TFB2M: variants seen among roughly 807,000 people sequenced by gnomAD.
TFB2M encodes the protein dimethyladenosine transferase 2, mitochondrial.
TFB2M carries 44 observed loss-of-function variants against 41.3 expected under a neutral mutation model. The observed-to-expected ratio is 1.07, with a 90% confidence interval of 0.84 to 1.37. The LOEUF (loss-of-function observed/expected upper bound fraction) is 1.37. TFB2M is among the 40% of genes most tolerant of loss of function. The pLI is 0.00. For missense variants in TFB2M, 496 were observed against 490.2 expected (o/e 1.01, Z -0.11); for synonymous variants, 188 against 176.8 (o/e 1.06, Z -0.50).
chr1:246,542,174 C>T (rs1658875498), intron 7 of TFB2M, among the ~76,000 whole-genome samples: 1 of 151,796 alleles, frequency 6.6e-6, no homozygotes, highest in African/African-American at 2.4e-5. Context: ...TATGGGACCA[C>T]TATTGTACAT....
chr1:246,558,559 G>A (rs970797187), intron 2 of TFB2M, among the ~76,000 whole-genome samples: 1 of 152,166 alleles, frequency 6.6e-6, no homozygotes, highest in Non-Finnish European at 1.5e-5. Context: ...TGACACCATG[G>A]TTGGCCTCTT....
In TFB2M at chr1:246,544,649, A is replaced by G. The variant is rs769499093; in HGVS notation, c.891T>C (p.Tyr297=). ...TTTGACGAGGAATCATTTGAATAAG[A>G]TACAGCTTTTGTTGTAATTGGTCTA... ...ELLDQLQQKL[Y]LIQMIPRQNL... The change falls in exon 7 of 8, where the codon TAT becomes TAC. Residue 297 remains tyrosine, a synonymous_variant. Transcript: ENST00000366514. 2 of 1,604,314 alleles carry G rather than the reference A, an allele frequency of 1.2e-6. No individual in the cohort carries two copies. The highest frequency in any genetic ancestry group is 2.7e-5 in the African/African-American group (2 of 74,232).
intron 2 of TFB2M, among the ~76,000 whole-genome samples, chr1:246,560,682 AT>A (rs1431079052): frequency 1.3e-5 from 2 of 152,252 alleles, no homozygotes; most frequent in African/African-American, 4.8e-5. Flanking sequence ...AAATAATTCA[AT>A]TCATACAACA....
rs1282391658 is a variant in TFB2M at position 246,557,474 on chromosome 1, C to G, written c.463G>C (p.Asp155His). ...TTTATTACTCCACCACTTCTAGGAT[C>G]TAGTTTAAAGAAGTCACAGTGAATC... ...RVIHCDFFKL[D>H]PRSGGVIKPP... Residue 155 changes from aspartate to histidine, a missense_variant, in exon 3 of 8, where the codon GAT (aspartate) becomes CAT (histidine). Asp to His is a moderately conservative substitution (Grantham distance 81). Transcript: ENST00000366514. The G allele has an allele frequency of 1.9e-6, 3 of 1,613,372 alleles. No homozygotes were observed. The highest frequency in any genetic ancestry group is 2.5e-6 in the Non-Finnish European group (3 of 1,179,744).
At chr1:246,544,986 T>C (rs1160587580) in intron 6 of TFB2M, among the ~76,000 whole-genome samples, 4 of 151,950 alleles carry the variant, frequency 2.6e-5, no homozygotes, top group African/African-American at 4.8e-5. Context: ...TTTGTATTTT[T>C]AGTAGAGATG....
In TFB2M at chr1:246,548,551, C is replaced by T; in HGVS notation, c.852G>A (p.Lys284=). Residue 284 remains lysine, a synonymous_variant, in exon 6 of 8, where the codon AAG becomes AAA. Transcript: ENST00000366514. ...GGTATTATTTTATTCTTACCCTACGCTTTGGGTTTTCCAGCGGCCCTTTCC... is the reference window on the plus strand; with the variant it reads ...GGTATTATTTTATTCTTACCCTACGTTTTGGGTTTTCCAGCGGCCCTTTCC... ...YTRKGPLENP[K]RRELLDQLQQ... The T allele has an allele frequency of 6.2e-7, 1 of 1,613,318 alleles. No homozygotes were observed. Among genetic ancestry groups the T allele is most frequent in the Non-Finnish European group, 8.5e-7 (1 of 1,179,686 alleles).
At chr1:246,557,564 A>G in intron 2 of TFB2M, 30 bp from the exon 3 acceptor site, 1 of 1,536,646 alleles carries the variant, frequency 6.5e-7, no homozygotes, top group South Asian at 1.3e-5. Flanking sequence ...ACACGTTAAA[A>G]ATTTTCAGCA....
At chr1:246,550,865 T>A in intron 5 of TFB2M, among the ~76,000 whole-genome samples, 1 of 151,476 alleles carries the variant, frequency 6.6e-6, no homozygotes, top group East Asian at 2.0e-4. Context: ...CCTGGGTGAC[T>A]TGAGTGAGAC....
At chr1:246,546,999 T>C (rs1659040609) in intron 6 of TFB2M, among the ~76,000 whole-genome samples, 1 of 142,738 alleles carries the variant, frequency 7.0e-6, no homozygotes, top group African/African-American at 3.0e-5. Context: ...TTTTTTTTTT[T>C]TTGAGACAAA....
chr1:246,544,518 C>T lies in TFB2M; in HGVS notation c.1019+3G>A, dbSNP rs373843320. The T allele has an allele frequency of 4.9e-5, 77 of 1,585,966 alleles. No homozygotes were observed. In the African/African-American group the frequency reaches 9.3e-4, roughly 19 times the overall value. Reference sequence around the variant, plus strand: ...TATACTTGCTTTTATTCTTTTTACTCACCGTAAGTGGTCTATTACAGTGGC... The same window carrying T: ...TATACTTGCTTTTATTCTTTTTACTTACCGTAAGTGGTCTATTACAGTGGC... On this transcript the variant is annotated splice_donor_region_variant and intron_variant, in intron 7 of 7. Transcript: ENST00000366514.
chr1:246,554,095 G>T (rs1421183443), intron 4 of TFB2M, among the ~76,000 whole-genome samples: 5 of 152,148 alleles, frequency 3.3e-5, no homozygotes, highest in Non-Finnish European at 7.4e-5. Context: ...TGGCAGTAAA[G>T]AACAGTCTTT....
intron 6 of TFB2M, among the ~76,000 whole-genome samples, chr1:246,545,739 T>C (rs1224935672): frequency 7.0e-6 from 1 of 143,122 alleles, no homozygotes; most frequent in East Asian, 2.1e-4. Context: ...TTGAGACTGC[T>C]GCGTGGAGTT....
In TFB2M at chr1:246,566,095, G is replaced by T; in HGVS notation, c.44C>A (p.Ser15Tyr). 6.2e-7 allele frequency: 1 copy of T among 1,612,526 alleles called. No individual in the cohort carries two copies. Among genetic ancestry groups the T allele is most frequent in the South Asian group, 1.1e-5 (1 of 91,058 alleles). ...VVGLPRRLRL[S>Y]ALAGAGRFCI... ...AAAGCGACCAGCGCCCGCCAAGGCGGAGAGCCTCAGCCGCCGAGGAAGCCC... is the reference window on the plus strand; with the variant it reads ...AAAGCGACCAGCGCCCGCCAAGGCGTAGAGCCTCAGCCGCCGAGGAAGCCC... Residue 15 changes from serine (S) to tyrosine (Y), a missense_variant, in exon 1 of 8, where the codon TCC becomes TAC. By Grantham distance (144) the Ser-to-Tyr change is moderately radical (BLOSUM62 -2). Transcript: ENST00000366514.
chr1:246,545,227 C>T (rs1313038285), intron 6 of TFB2M, among the ~76,000 whole-genome samples: 1 of 152,172 alleles, frequency 6.6e-6, no homozygotes, highest in East Asian at 1.9e-4. Context: ...ACGTCTCTCT[C>T]CAGGACAAAG....
chr1:246,542,286 A>C (rs988068407), intron 7 of TFB2M, among the ~76,000 whole-genome samples: 2 of 150,878 alleles, frequency 1.3e-5, no homozygotes, highest in African/African-American at 4.9e-5. Context: ...TATATAATCA[A>C]TGAGGTATAT....
At chr1:246,553,864 T>C (rs546807391) in intron 4 of TFB2M, among the ~76,000 whole-genome samples, 77 of 152,286 alleles carry the variant, frequency 5.1e-4, no homozygotes, top group Middle Eastern at 3.4e-3. Flanking sequence ...AAAATCCATA[T>C]AGAATCTCGA....
intron 6 of TFB2M, among the ~76,000 whole-genome samples, chr1:246,546,275 G>C (rs1659016648): frequency 6.6e-6 from 1 of 151,248 alleles, no homozygotes; most frequent in Non-Finnish European, 1.5e-5. Context: ...TTATGCCACT[G>C]CACTCCAGCC....
chr1:246,553,297 C>T (rs970701051), intron 4 of TFB2M, among the ~76,000 whole-genome samples: 2 of 152,166 alleles, frequency 1.3e-5, no homozygotes, highest in Non-Finnish European at 2.9e-5. Flanking sequence ...CATTTTTATG[C>T]ACTACCAACG....
At chr1:246,563,559 G>C (rs1283856975) in intron 2 of TFB2M, among the ~76,000 whole-genome samples, 1 of 151,276 alleles carries the variant, frequency 6.6e-6, no homozygotes, top group Non-Finnish European at 1.5e-5. Context: ...AGCCGAGATC[G>C]CACCATTGCA....
Sources: allele counts gnomAD v4.1 joint callset (sites outside exome capture counted in the v4.1 genomes callset), GRCh38; gene constraint gnomAD v4.1.1; transcripts MANE v1.5; gene names NCBI Gene and HGNC (gene_info 2026-07-23, HGNC 2026-07-21).